TRAPPC9: variants seen among roughly 807,000 people sequenced by gnomAD.
TRAPPC9 encodes the protein trafficking protein particle complex subunit 9.
A neutral mutation model predicts 124.0 loss-of-function variants in TRAPPC9; 83 were observed. That is an observed-to-expected ratio of 0.67 (90% confidence interval 0.56 to 0.80). The LOEUF (loss-of-function observed/expected upper bound fraction) is 0.80. Among genes scored for constraint, TRAPPC9 ranks in the 30% least tolerant of loss-of-function variants. The pLI, the probability that TRAPPC9 is intolerant of heterozygous loss-of-function variation, is 0.00. For synonymous variants in TRAPPC9, 638 were observed against 617.5 expected, an observed-to-expected ratio of 1.03 and a Z score of -0.49; for missense variants, 1,302 against 1,508.3, an observed-to-expected ratio of 0.86 and a Z score of 2.27.
chr8:139,806,170 C>G (rs1824042855), intron 21 of TRAPPC9: 1 of 152,272 alleles, frequency 6.6e-6, no homozygotes, highest in South Asian at 2.1e-4. Context: ...CTGTTCCAAG[C>G]GAGGGAGCCA....
intron 19 of TRAPPC9, among the ~76,000 whole-genome samples, chr8:139,967,570 AG>A (rs1434898308): frequency 6.6e-6 from 1 of 152,218 alleles, no homozygotes; most frequent in Non-Finnish European, 1.5e-5. Flanking sequence ...CAATGACACT[AG>A]GCATATGCTG....
intron 17 of TRAPPC9, among the ~76,000 whole-genome samples, chr8:140,133,639 A>AT (rs1486619887): frequency 6.6e-6 from 1 of 152,260 alleles, no homozygotes; most frequent in African/African-American, 2.4e-5. Context: ...CACAGGTGAC[A>AT]TGAGCCTACA....
rs562575965 is a variant in TRAPPC9 at position 139,869,124 on chromosome 8, A to G, written c.3055+16755T>C. Among the ~76,000 whole-genome samples, 4 of 152,366 alleles carry G rather than the reference A, an allele frequency of 2.6e-5. No homozygotes were observed. The South Asian group carries it at 8.3e-4, about 32-fold the overall frequency. On this transcript the variant is annotated intron_variant, in intron 21 of 22. Coordinates refer to ENST00000438773, the MANE Select transcript of TRAPPC9 (RefSeq NM_001160372.4). ...ATTTATACCACAGCAATGCATATAAATGGCCTAAACTCACTTATGAATTAA... is the reference window on the plus strand; with the variant it reads ...ATTTATACCACAGCAATGCATATAAGTGGCCTAAACTCACTTATGAATTAA...
At chr8:140,411,888 A>G (rs2132465965) in intron 5 of TRAPPC9, among the ~76,000 whole-genome samples, 1 of 152,368 alleles carries the variant, frequency 6.6e-6, no homozygotes. Flanking sequence ...TCCTGCTTAT[A>G]GTAAAATGCG....
intron 5 of TRAPPC9, among the ~76,000 whole-genome samples, chr8:140,425,767 C>A (rs755118875): frequency 1.3e-5 from 2 of 152,144 alleles, no homozygotes; most frequent in African/African-American, 4.8e-5. Flanking sequence ...AAAGTCTGCC[C>A]GCCTGACTGT....
intron 17 of TRAPPC9, among the ~76,000 whole-genome samples, chr8:140,056,737 C>G (rs1167485844): frequency 6.6e-6 from 1 of 152,162 alleles, no homozygotes; most frequent in Non-Finnish European, 1.5e-5. Context: ...GGAAATGCTT[C>G]ATGACTTGGT....
At chr8:140,300,108 A>G (rs1046106851) in intron 11 of TRAPPC9, among the ~76,000 whole-genome samples, 4 of 152,230 alleles carry the variant, frequency 2.6e-5, no homozygotes, top group African/African-American at 7.2e-5. Context: ...TTAAAATCAC[A>G]TCTATGGGCA....
At chr8:139,915,372 G>A (rs753844512) in intron 19 of TRAPPC9, among the ~76,000 whole-genome samples, 6 of 152,056 alleles carry the variant, frequency 3.9e-5, no homozygotes, top group Non-Finnish European at 8.8e-5. Flanking sequence ...TCAGCCTCCC[G>A]AGTAGCTGGG....
At chr8:140,023,246 C>T (rs1360607517) in intron 18 of TRAPPC9, among the ~76,000 whole-genome samples, 1 of 152,208 alleles carries the variant, frequency 6.6e-6, no homozygotes, top group African/African-American at 2.4e-5. Flanking sequence ...GAGCTTCATT[C>T]ACCTCCAGCT....
rs2067820640 is a variant in TRAPPC9 at position 140,358,413 on chromosome 8, G to C, written c.1495+1637C>G. Reference sequence around the variant, plus strand: ...GTAGACACGGGGTTTCACCATGTTGGCCAGGCTGGTCTCGATCTCCTGACC... The same window carrying C: ...GTAGACACGGGGTTTCACCATGTTGCCCAGGCTGGTCTCGATCTCCTGACC... On this transcript the variant is annotated intron_variant, in intron 9 of 22. Transcript: ENST00000438773. Among the ~76,000 whole-genome samples, 3 of 152,118 alleles carry C rather than the reference G, an allele frequency of 2.0e-5. No homozygotes were observed. The South Asian group carries it at 6.2e-4, about 32-fold the overall frequency.
At chr8:140,076,164 A>T (rs1048095677) in intron 17 of TRAPPC9, among the ~76,000 whole-genome samples, 1 of 152,252 alleles carries the variant, frequency 6.6e-6, no homozygotes, top group Non-Finnish European at 1.5e-5. Flanking sequence ...ACATAGCAGC[A>T]CTGTGACGAG....
intron 15 of TRAPPC9, among the ~76,000 whole-genome samples, chr8:140,259,443 G>C (rs2064348272): frequency 6.6e-6 from 1 of 152,210 alleles, no homozygotes; most frequent in African/African-American, 2.4e-5. Context: ...GTGTGTGCTA[G>C]TTACAAACCC....
intron 6 of TRAPPC9, among the ~76,000 whole-genome samples, chr8:140,404,717 T>C (rs2069411564): frequency 6.6e-6 from 1 of 151,682 alleles, no homozygotes; most frequent in South Asian, 2.1e-4. Context: ...CATGTGAGCA[T>C]GTGTGTACAT....
At chr8:140,249,527 G>C (rs923369585) in intron 16 of TRAPPC9, among the ~76,000 whole-genome samples, 3 of 149,944 alleles carry the variant, frequency 2.0e-5, no homozygotes, top group African/African-American at 7.4e-5. Context: ...TTTCTCTCTA[G>C]ATTCACATTC....
chr8:139,812,360 G>A (rs1824501226), intron 21 of TRAPPC9, among the ~76,000 whole-genome samples: 2 of 152,210 alleles, frequency 1.3e-5, no homozygotes, highest in East Asian at 3.8e-4. Context: ...TGATAGAACT[G>A]TAGTAGACAG....
chr8:140,084,631 A>G (rs76283906), intron 17 of TRAPPC9, among the ~76,000 whole-genome samples: 2,134 of 152,346 alleles, frequency 0.014, 57 homozygotes, highest in African/African-American at 0.048. Flanking sequence ...CGCCGAGGAC[A>G]AGGCTGCTGA....
At chr8:140,031,731 C>G (rs1321590154) in intron 17 of TRAPPC9, among the ~76,000 whole-genome samples, 1 of 152,208 alleles carries the variant, frequency 6.6e-6, no homozygotes, top group Non-Finnish European at 1.5e-5. Context: ...TTAATGATGC[C>G]TTCAAGATGC....
At chr8:139,802,984 G>A (rs1404658064) in intron 21 of TRAPPC9, among the ~76,000 whole-genome samples, 1 of 151,884 alleles carries the variant, frequency 6.6e-6, no homozygotes, top group African/African-American at 2.4e-5. Context: ...CATTGTGTGC[G>A]TGTTATGTAT....
chr8:139,812,473 C>T (rs1014455551), intron 21 of TRAPPC9, among the ~76,000 whole-genome samples: 1 of 152,170 alleles, frequency 6.6e-6, no homozygotes, highest in Non-Finnish European at 1.5e-5. Context: ...AGGTAAATAC[C>T]TAAGGAAACA....
Sources: allele counts gnomAD v4.1 joint callset (sites outside exome capture counted in the v4.1 genomes callset), GRCh38; gene constraint gnomAD v4.1.1; transcripts MANE v1.5; gene names NCBI Gene and HGNC (gene_info 2026-07-23, HGNC 2026-07-21).